The following WWOX variants were observed in gnomAD, a reference collection of about 807,000 sequenced individuals.
The protein encoded by WWOX is WW domain containing oxidoreductase.
WWOX carries 69 observed loss-of-function variants against 46.2 expected under a neutral mutation model. The ratio of observed to expected loss-of-function variants is 1.49; its 90% CI spans 1.23 to 1.82. The LOEUF is 1.82. WWOX is among the 40% of genes most tolerant of loss of function. The pLI, the probability that WWOX is intolerant of heterozygous loss-of-function variation, is 0.00. For missense variants in WWOX, 919 were observed against 542.6 expected (o/e 1.69, Z -6.89); for synonymous variants, 359 against 202.6 (o/e 1.77, Z -6.56).
At chr16:78,424,209 C>T (rs1404452843) in intron 6 of WWOX, among the ~76,000 whole-genome samples, 16 of 149,758 alleles carry the variant, frequency 1.1e-4, no homozygotes, top group African/African-American at 3.7e-4. Context: ...CCTCTGCCTC[C>T]TGGGTTCAAG....
chr16:78,559,390 G>T (rs1052588431), intron 8 of WWOX, among the ~76,000 whole-genome samples: 1 of 152,188 alleles, frequency 6.6e-6, no homozygotes, highest in Non-Finnish European at 1.5e-5. Context: ...TATAGACTAA[G>T]ACATGCCTGT....
intron 8 of WWOX, among the ~76,000 whole-genome samples, chr16:78,443,567 TAGTGTTTTAA>T (rs1471884717): frequency 6.6e-6 from 1 of 152,190 alleles, no homozygotes. Context: ...CCTTGCTTTA[TAGTGTTTTAA>T]ATCCGCCTCG....
intron 8 of WWOX, among the ~76,000 whole-genome samples, chr16:78,832,581 G>T (rs567867190): frequency 6.0e-4 from 92 of 152,224 alleles, no homozygotes; most frequent in African/African-American, 2.2e-3. Flanking sequence ...CACTGGTTCG[G>T]CTATTGGCAG....
chr16:78,650,464 C>T (rs921566996), intron 8 of WWOX, among the ~76,000 whole-genome samples: 1 of 152,188 alleles, frequency 6.6e-6, no homozygotes, highest in Non-Finnish European at 1.5e-5. Flanking sequence ...TCCACCATGA[C>T]ATCAGCCTGC....
intron 8 of WWOX, among the ~76,000 whole-genome samples, chr16:79,035,384 G>C (rs1195050253): frequency 6.6e-6 from 1 of 152,130 alleles, no homozygotes; most frequent in South Asian, 2.1e-4. Flanking sequence ...AACCCCATTA[G>C]ACAGTGGCCA....
intron 8 of WWOX, among the ~76,000 whole-genome samples, chr16:78,624,283 C>T (rs2046259162): frequency 6.7e-6 from 1 of 150,244 alleles, no homozygotes; most frequent in East Asian, 2.0e-4. Context: ...TGGTAAAGGA[C>T]ATGTATTTCC....
In WWOX at chr16:78,549,868, T is replaced by C. The variant is rs138721964; in HGVS notation, c.1056+117116T>C. 6.2e-3 allele frequency among the ~76,000 whole-genome samples: 941 copies of C among 152,230 alleles called. 15 individuals are homozygous for C. Among genetic ancestry groups the C allele is most frequent in the African/African-American group, 0.022 (904 of 41,522 alleles). ...GGAACCCCATCAGAATTGGGGAATC[T>C]TTAAAGGATTTTTTATTTAGCCAGA... On this transcript the variant is annotated intron_variant, in intron 8 of 8. Transcript: ENST00000566780.
intron 8 of WWOX, among the ~76,000 whole-genome samples, chr16:78,461,109 G>T (rs1013765896): frequency 2.0e-5 from 3 of 152,150 alleles, no homozygotes; most frequent in African/African-American, 7.2e-5. Flanking sequence ...CAAAAGTGCA[G>T]AATTCCATGT....
intron 8 of WWOX, among the ~76,000 whole-genome samples, chr16:78,443,354 C>G (rs2083488362): frequency 6.6e-6 from 1 of 152,050 alleles, no homozygotes; most frequent in Admixed American, 6.6e-5. Flanking sequence ...TCAGGAACCA[C>G]TAAGACAGAT....
intron 8 of WWOX, among the ~76,000 whole-genome samples, chr16:78,614,888 A>G (rs986871083): frequency 2.5e-4 from 38 of 152,224 alleles, no homozygotes; most frequent in African/African-American, 8.4e-4. Flanking sequence ...GCAGCCATCA[A>G]GCCATCTTTT....
At chr16:79,054,087 T>A (rs2048218846) in intron 8 of WWOX, among the ~76,000 whole-genome samples, 1 of 152,182 alleles carries the variant, frequency 6.6e-6, no homozygotes, top group African/African-American at 2.4e-5. Flanking sequence ...TAAAAGAAGC[T>A]ATATTCAGCA....
At chr16:78,542,389 A>C (rs2151529447) in intron 8 of WWOX, among the ~76,000 whole-genome samples, 1 of 152,292 alleles carries the variant, frequency 6.6e-6, no homozygotes, top group Non-Finnish European at 1.5e-5. Context: ...AATCAGAAGA[A>C]GACAGAGTGG....
chr16:78,422,588 AT>A (rs2082957561), intron 6 of WWOX, among the ~76,000 whole-genome samples: 1 of 145,134 alleles, frequency 6.9e-6, no homozygotes, highest in African/African-American at 2.5e-5. Context: ...TCAAGTGATT[AT>A]CCTGCCTTAG....
At chr16:79,019,224 G>T (rs1361758665) in intron 8 of WWOX, among the ~76,000 whole-genome samples, 1 of 132,442 alleles carries the variant, frequency 7.6e-6, no homozygotes, top group African/African-American at 2.8e-5. Flanking sequence ...CTCAAAATGT[G>T]TCACTTAGCA....
intron 8 of WWOX, among the ~76,000 whole-genome samples, chr16:78,565,886 A>T (rs1033915790): frequency 1.4e-5 from 2 of 147,654 alleles, no homozygotes; most frequent in Non-Finnish European, 3.0e-5. Context: ...TAAGACCATC[A>T]CATTTTTCAT....
chr16:78,500,302 C>A (rs999871025), intron 8 of WWOX, among the ~76,000 whole-genome samples: 2 of 152,210 alleles, frequency 1.3e-5, no homozygotes, highest in African/African-American at 4.8e-5. Flanking sequence ...CTCCATTCCG[C>A]TTGCCAAGAT....
Position 79,212,267 on chromosome 16 carries a change from C to A in WWOX, c.*471C>A. ...TGATCCAGGAGATAATTGTTTCATT[C>A]ATCCTGACCAAGACTGAGCCAGCTT... On this transcript the variant is annotated 3_prime_UTR_variant, in exon 9 of 9. Transcript: ENST00000566780. 1.6e-6 allele frequency: 2 copies of A among 1,263,302 alleles called. No homozygotes were observed. The highest frequency in any genetic ancestry group is 1.5e-5 in the African/African-American group (1 of 66,170). The allele number at this position is 1,263,302 out of a possible 1,614,324, so 78.3% of individuals were successfully genotyped here. A position where few individuals can be genotyped will look rare whatever the true frequency, so the allele number is the denominator to read the frequency against.
intron 8 of WWOX, among the ~76,000 whole-genome samples, chr16:78,637,370 G>C (rs1241896353): frequency 1.3e-5 from 2 of 151,970 alleles, no homozygotes; most frequent in Non-Finnish European, 2.9e-5. Flanking sequence ...GAACCCAGGA[G>C]GCAGAGGTTG....
intron 5 of WWOX, among the ~76,000 whole-genome samples, chr16:78,192,725 T>C (rs2035922463): frequency 6.6e-6 from 1 of 152,204 alleles, no homozygotes; most frequent in African/African-American, 2.4e-5. Context: ...TTGTTTATTT[T>C]TTGACAGAAT....
Sources: allele counts gnomAD v4.1 joint callset (sites outside exome capture counted in the v4.1 genomes callset), GRCh38; gene constraint gnomAD v4.1.1; transcripts MANE v1.5; gene names NCBI Gene and HGNC (gene_info 2026-07-23, HGNC 2026-07-21).